TMED8: variants seen among roughly 807,000 people sequenced by gnomAD.
TMED8 encodes protein TMED8.
Under a neutral mutation model 32.7 loss-of-function variants are expected in TMED8, and 15 were observed. The ratio of observed to expected loss-of-function variants is 0.46; its 90% CI spans 0.31 to 0.71. The LOEUF is 0.71. TMED8 is among the 30% of genes least tolerant of loss of function. The pLI, the probability that TMED8 is intolerant of heterozygous loss-of-function variation, is 0.06. For missense variants in TMED8, 390 were observed against 423.9 expected (o/e 0.92, Z 0.70); for synonymous variants, 147 against 161.4 (o/e 0.91, Z 0.68).
intron 2 of TMED8, among the ~76,000 whole-genome samples, chr14:77,348,058 A>G (rs1345982791): frequency 6.6e-6 from 1 of 152,204 alleles, no homozygotes; most frequent in Non-Finnish European, 1.5e-5. Flanking sequence ...TGAGAATCCA[A>G]CTGCCTTTTA....
intron 1 of TMED8, among the ~76,000 whole-genome samples, chr14:77,354,043 A>G (rs11850308): frequency 0.22 from 33,999 of 152,088 alleles, 4,008 homozygotes; most frequent in Admixed American, 0.29. Context: ...CCTTCTCCTC[A>G]GGCTGGTCAT....
intron 3 of TMED8, among the ~76,000 whole-genome samples, chr14:77,344,030 T>C (rs889398227): frequency 3.3e-5 from 5 of 152,210 alleles, no homozygotes; most frequent in African/African-American, 9.6e-5. Flanking sequence ...AAATATTCCA[T>C]TGTTTAAAGA....
chr14:77,342,771 C>A (rs1892936128), intron 5 of TMED8, among the ~76,000 whole-genome samples: 1 of 152,130 alleles, frequency 6.6e-6, no homozygotes, highest in African/African-American at 2.4e-5. Flanking sequence ...AGAATGGATA[C>A]CTTTAGCAAA....
rs543911338 is a variant in TMED8 at position 77,355,782 on chromosome 14, G to A, written c.119-4031C>T. Among the ~76,000 whole-genome samples, 5 of 152,278 alleles carry A rather than the reference G, an allele frequency of 3.3e-5. No homozygotes were observed. The South Asian group carries it at 1.0e-3, about 32-fold the overall frequency. On this transcript the variant is annotated intron_variant, in intron 1 of 5. Coordinates refer to ENST00000216468, the MANE Select transcript of TMED8 (RefSeq NM_213601.3). The stretch of plus-strand genomic sequence containing the variant: ...TGGAAGTGGCAGTTCCTATGATCAA[G>A]GTACATTGTGTTGGCCATAGTTCAT...
Position 77,346,495 on chromosome 14 carries a change from G to A in TMED8, c.198-17C>T, listed in dbSNP as rs558693937. 138 of 1,613,872 alleles carry A rather than the reference G, an allele frequency of 8.6e-5. No individual in the cohort carries two copies. The highest frequency in any genetic ancestry group is 1.1e-4 in the Non-Finnish European group (126 of 1,179,934). ...ATCTGTGGCCTCTCAGAGGAAGAGA[G>A]CATGTTAATTCAAGGACTCTTTGAA... On this transcript the variant is annotated splice_polypyrimidine_tract_variant and intron_variant, in intron 2 of 5. Transcript: ENST00000216468.
At chr14:77,344,093 G>A (rs1892974192) in intron 3 of TMED8, among the ~76,000 whole-genome samples, 1 of 152,124 alleles carries the variant, frequency 6.6e-6, no homozygotes, top group Non-Finnish European at 1.5e-5. Context: ...TAAGGTCCTT[G>A]TCCGCCAACA....
intron 1 of TMED8, among the ~76,000 whole-genome samples, chr14:77,365,007 C>T (rs1439060089): frequency 6.6e-5 from 10 of 152,208 alleles, no homozygotes; most frequent in African/African-American, 2.4e-4. Flanking sequence ...AATCAGTTGC[C>T]TTTTTTGTTG....
At chr14:77,347,397 TTTAAAGCACA>T (rs1388980525) in intron 2 of TMED8, among the ~76,000 whole-genome samples, 2 of 152,230 alleles carry the variant, frequency 1.3e-5, no homozygotes, top group Non-Finnish European at 2.9e-5. Context: ...TTCTCTCCTT[TTTAAAGCACA>T]TTAATCAACA....
intron 1 of TMED8, among the ~76,000 whole-genome samples, chr14:77,372,906 T>TTTTTTTA (rs1227686477): frequency 2.8e-5 from 1 of 35,332 alleles, no homozygotes; most frequent in Non-Finnish European, 5.1e-5. Context: ...GCCACAGATA[T>TTTTTTTA]TATATATATA....
At chr14:77,357,664 AT>A (rs1465450826) in intron 1 of TMED8, among the ~76,000 whole-genome samples, 3 of 152,180 alleles carry the variant, frequency 2.0e-5, no homozygotes, top group African/African-American at 7.2e-5. Context: ...AGTTTTCCTA[AT>A]TTTGGCCTGT....
intron 1 of TMED8, chr14:77,359,314 C>T (rs1158137520): frequency 5.7e-6 from 1 of 175,472 alleles, no homozygotes; most frequent in East Asian, 1.8e-4. Context: ...ACGGAAGCTC[C>T]TGCACTCAGG....
At chr14:77,345,207 G>A (rs1466548246) in intron 3 of TMED8, among the ~76,000 whole-genome samples, 3 of 151,998 alleles carry the variant, frequency 2.0e-5, no homozygotes, top group East Asian at 3.9e-4. Flanking sequence ...GGCTGGTCTC[G>A]AACCCCTGAC....
intron 1 of TMED8, among the ~76,000 whole-genome samples, chr14:77,368,467 ATTATTTAT>A (rs369795650): frequency 9.9e-5 from 15 of 151,508 alleles, no homozygotes; most frequent in South Asian, 4.2e-4. Context: ...TGTCCTTTTT[ATTATTTAT>A]TTATTTATTT....
Position 77,337,422 on chromosome 14 carries a change from T to C in TMED8, c.*4349A>G, listed in dbSNP as rs1437862859. 1 of 152,104 alleles carries C rather than the reference T, an allele frequency of 6.6e-6. No individual in the cohort carries two copies. Among genetic ancestry groups the C allele is most frequent in the Non-Finnish European group, 1.5e-5 (1 of 68,038 alleles). The allele number at this position is 152,104 out of a possible 1,614,324, so 9.4% of individuals were successfully genotyped here. On this transcript the variant is annotated 3_prime_UTR_variant, in exon 6 of 6. Transcript: ENST00000216468. The stretch of plus-strand genomic sequence containing the variant: ...TTTTTTTTTTGAGACGGAATCTTGC[T>C]CTGTTGCCCAGTCTGGAGTGCAGTG...
At chr14:77,347,527 C>T (rs888626516) in intron 2 of TMED8, among the ~76,000 whole-genome samples, 2 of 152,168 alleles carry the variant, frequency 1.3e-5, no homozygotes, top group Non-Finnish European at 2.9e-5. Context: ...CTCAGCCTCC[C>T]GAGTAGCTGG....
chr14:77,375,893 CTA>C (rs1439940743), intron 1 of TMED8, among the ~76,000 whole-genome samples: 1 of 152,162 alleles, frequency 6.6e-6, no homozygotes, highest in Non-Finnish European at 1.5e-5. Flanking sequence ...CACAATAATC[CTA>C]TGAGGCAGAT....
intron 1 of TMED8, among the ~76,000 whole-genome samples, chr14:77,373,506 A>G (rs1159499935): frequency 6.6e-6 from 1 of 152,188 alleles, no homozygotes; most frequent in African/African-American, 2.4e-5. Flanking sequence ...CTTAGTTCAT[A>G]AGAACATAAA....
Position 77,343,300 on chromosome 14 carries a change from T to G in TMED8, c.638A>C (p.Tyr213Ser). 1 of 1,614,220 alleles carries G rather than the reference T, an allele frequency of 6.2e-7. No individual in the cohort carries two copies. Among genetic ancestry groups the G allele is most frequent in the Non-Finnish European group, 8.5e-7 (1 of 1,180,040 alleles). The part of the protein sequence containing the change: ...RVCWEFATDD[Y>S]DIGFGVYFDW... Reference sequence around the variant, plus strand: ...AAAATAAACTCCAAAGCCAATGTCATAGTCATCGGTCGCAAACTCCCAGCA... The same window carrying G: ...AAAATAAACTCCAAAGCCAATGTCAGAGTCATCGGTCGCAAACTCCCAGCA... Residue 213 changes from tyrosine (Y) to serine (S), a missense_variant, in exon 5 of 6, where the codon TAT (tyrosine) becomes TCT (serine). By Grantham distance (144) the Tyr-to-Ser change is moderately radical (BLOSUM62 -2). Transcript: ENST00000216468.
At position 77,341,865 on chromosome 14, in the gene TMED8, T is replaced by C. The variant is rs1566682913; in HGVS notation, c.884A>G (p.Tyr295Cys). The C allele has an allele frequency of 1.9e-6, 3 of 1,610,760 alleles. No homozygotes were observed. The highest frequency in any genetic ancestry group is 2.5e-6 in the Non-Finnish European group (3 of 1,179,490). ...HRDVQAGSHDYPGEGIYLLKF... is the reference protein window; with the variant it reads ...HRDVQAGSHDCPGEGIYLLKF... ...GAGCAGGTAGATGCCCTCACCAGGG[T>C]AGTCATGGCTGCCAGCCTGCACGTC... The change falls in exon 6 of 6, where the codon TAC (tyrosine) becomes TGC (cysteine). Residue 295 changes from tyrosine (Y) to cysteine (C), a missense_variant. Coordinates refer to ENST00000216468, the MANE Select transcript of TMED8 (RefSeq NM_213601.3).
Sources: allele counts gnomAD v4.1 joint callset (sites outside exome capture counted in the v4.1 genomes callset), GRCh38; gene constraint gnomAD v4.1.1; transcripts MANE v1.5; gene names NCBI Gene and HGNC (gene_info 2026-07-23, HGNC 2026-07-21).